The following SESTD1 variants were observed in gnomAD, a reference collection of about 807,000 sequenced individuals.
The protein encoded by SESTD1 is SEC14 and spectrin domain containing 1, also known as SEC14 domain and spectrin repeat-containing protein 1.
Under a neutral mutation model 101.7 loss-of-function variants are expected in SESTD1, and 43 were observed. The ratio of observed to expected loss-of-function variants is 0.42; its 90% CI spans 0.33 to 0.55. The LOEUF is 0.55. SESTD1 is among the 20% of genes least tolerant of loss of function. The probability of loss-of-function intolerance (pLI) is 0.07; values close to 1 mark genes in which losing one functional copy is unlikely to be tolerated. For synonymous variants in SESTD1, 283 were observed against 286.8 expected, an observed-to-expected ratio of 0.99 and a Z score of 0.13; for missense variants, 647 against 815.1, an observed-to-expected ratio of 0.79 and a Z score of 2.51.
intron 5 of SESTD1, among the ~76,000 whole-genome samples, chr2:179,153,672 CA>C (rs1202748665): frequency 6.6e-6 from 1 of 151,560 alleles, no homozygotes; most frequent in Non-Finnish European, 1.5e-5. Flanking sequence ...TAGCATTAGT[CA>C]AAAAAATAAT....
intron 1 of SESTD1, among the ~76,000 whole-genome samples, chr2:179,197,315 G>A (rs1265476849): frequency 1.3e-5 from 2 of 151,934 alleles, no homozygotes; most frequent in African/African-American, 4.8e-5. Flanking sequence ...TACGTGAAAA[G>A]ACCAAATCTA....
chr2:179,157,594 T>TA (rs1428996388), intron 5 of SESTD1, among the ~76,000 whole-genome samples: 2 of 152,180 alleles, frequency 1.3e-5, no homozygotes, highest in Non-Finnish European at 2.9e-5. Context: ...CTGGGTTCTC[T>TA]ATTCTGTTCC....
In SESTD1 at chr2:179,176,438, C is replaced by T. The variant is rs750905187; in HGVS notation, c.255+10G>A. 6.2e-7 allele frequency: 1 copy of T among 1,610,002 alleles called. No homozygotes were observed. The highest frequency in any genetic ancestry group is 1.1e-5 in the South Asian group (1 of 90,398). On this transcript the variant is annotated intron_variant, in intron 4 of 17. Transcript: ENST00000428443. ...AAAAACCATTTCCTGATAGACAAAACCAAAATTACCTGTAGCATTACGACT... is the reference window on the plus strand; with the variant it reads ...AAAAACCATTTCCTGATAGACAAAATCAAAATTACCTGTAGCATTACGACT...
At chr2:179,249,545 T>G (rs2047283961) in intron 1 of SESTD1, among the ~76,000 whole-genome samples, 2 of 152,166 alleles carry the variant, frequency 1.3e-5, no homozygotes, top group African/African-American at 4.8e-5. Context: ...CATAACATGT[T>G]CATGGATTTG....
chr2:179,190,475 C>A (rs1424137782), intron 2 of SESTD1, among the ~76,000 whole-genome samples: 1 of 151,782 alleles, frequency 6.6e-6, no homozygotes, highest in Non-Finnish European at 1.5e-5. Context: ...TGAGTATCGG[C>A]CTCAGAAAAA....
intron 9 of SESTD1, among the ~76,000 whole-genome samples, chr2:179,137,044 T>C (rs1477441449): frequency 6.6e-6 from 1 of 152,154 alleles, no homozygotes; most frequent in African/African-American, 2.4e-5. Flanking sequence ...TTTAAATGCA[T>C]TAATAATGGC....
chr2:179,217,293 A>T (rs1025695270), intron 1 of SESTD1, among the ~76,000 whole-genome samples: 9 of 152,206 alleles, frequency 5.9e-5, no homozygotes, highest in Non-Finnish European at 8.8e-5. Context: ...ACAAGAAAAA[A>T]ACAACCCCAT....
rs1404422743 is a variant in SESTD1 at position 179,185,710 on chromosome 2, TATATAATATAGCATATTATATATA to T, written c.56-2546_56-2523del. ...ATATAATATAGTATATTATATACAA[TATATAATATAGCATATTATATATA>T]ATATAATATAGTATATTATATACAA... On this transcript the variant is annotated intron_variant, in intron 2 of 17. Coordinates refer to ENST00000428443, the MANE Select transcript of SESTD1 (RefSeq NM_178123.5). Among the ~76,000 whole-genome samples the T allele has an allele frequency of 8.9e-4, 108 of 121,092 alleles. 1 individual carries two copies. Among genetic ancestry groups the T allele is most frequent in the South Asian group, 1.2e-3 (5 of 4,130 alleles). The allele number at this position is 121,092 out of a possible 152,430, so 79.4% of individuals were successfully genotyped here.
chr2:179,201,234 C>T lies in SESTD1; in HGVS notation c.-25-9368G>A, dbSNP rs1432349798. On this transcript the variant is annotated intron_variant, in intron 1 of 17. Transcript: ENST00000428443. ...AAAACCACAATGAGATACCATCTCA[C>T]ACCAGTCAGAATGGCAATCATTAAA... 4.5e-5 allele frequency among the ~76,000 whole-genome samples: 6 copies of T among 133,464 alleles called. 2 individuals carry two copies. The highest frequency in any genetic ancestry group is 7.2e-5 in the Admixed American group (1 of 13,808). 87.6% of individuals were successfully genotyped at this position (133,464 alleles called of 152,430 possible). A position where few individuals can be genotyped will look rare whatever the true frequency, so the allele number is the denominator to read the frequency against.
intron 5 of SESTD1, chr2:179,162,472 T>A (rs2045754417): frequency 6.6e-6 from 1 of 152,174 alleles, no homozygotes; most frequent in Admixed American, 6.5e-5. Flanking sequence ...CAATGCAGTA[T>A]GTCACTGATA....
intron 1 of SESTD1, among the ~76,000 whole-genome samples, chr2:179,231,464 C>T (rs1390299158): frequency 2.7e-5 from 4 of 150,790 alleles, no homozygotes; most frequent in Non-Finnish European, 5.9e-5. Context: ...TTAAAAAAGG[C>T]ATAAACATAC....
intron 12 of SESTD1, among the ~76,000 whole-genome samples, chr2:179,123,025 T>G (rs1244480565): frequency 2.0e-5 from 3 of 152,238 alleles, no homozygotes; most frequent in African/African-American, 7.2e-5. Context: ...ACTAGTTCTC[T>G]GCCTTAAGTT....
intron 9 of SESTD1, among the ~76,000 whole-genome samples, chr2:179,134,940 G>T (rs1277369287): frequency 1.3e-5 from 2 of 151,938 alleles, no homozygotes; most frequent in Admixed American, 6.6e-5. Flanking sequence ...TGGTTTTTTT[G>T]TTGTTGTTTT....
chr2:179,224,542 T>C (rs1392781763), intron 1 of SESTD1, among the ~76,000 whole-genome samples: 4 of 152,318 alleles, frequency 2.6e-5, no homozygotes, highest in East Asian at 3.9e-4. Context: ...AAATGACTGA[T>C]TGCTGAAGGC....
chr2:179,117,700 A>T, intron 13 of SESTD1, 87 bp from the exon 14 acceptor site: 2 of 1,060,128 alleles, frequency 1.9e-6, no homozygotes, highest in Non-Finnish European at 2.7e-6. Flanking sequence ...TGTATTTTAT[A>T]GTACACTAAA....
At chr2:179,241,710 C>G (rs1306244776) in intron 1 of SESTD1, among the ~76,000 whole-genome samples, 1 of 151,992 alleles carries the variant, frequency 6.6e-6, no homozygotes, top group Non-Finnish European at 1.5e-5. Context: ...ATCACGAGGT[C>G]AGGAGATCGA....
intron 7 of SESTD1, among the ~76,000 whole-genome samples, chr2:179,147,304 T>C (rs2045416395): frequency 6.6e-6 from 1 of 151,872 alleles, no homozygotes. Flanking sequence ...CATGTAGTCA[T>C]GGAAACCAGG....
intron 1 of SESTD1, among the ~76,000 whole-genome samples, chr2:179,247,047 A>G (rs2047242753): frequency 6.6e-6 from 1 of 152,108 alleles, no homozygotes; most frequent in African/African-American, 2.4e-5. Flanking sequence ...ACTTGGGCAC[A>G]TATTCTTTTA....
At chr2:179,205,666 T>C (rs147866521) in intron 1 of SESTD1, among the ~76,000 whole-genome samples, 2,942 of 135,366 alleles carry the variant, frequency 0.022, 596 homozygotes, top group Non-Finnish European at 0.033. Context: ...CTTTTAAAAA[T>C]TGTTTTAAGA....
Sources: gnomAD v4.1 joint callset for allele counts (sites outside exome capture counted in the v4.1 genomes callset) on GRCh38, gnomAD v4.1.1 for gene constraint, MANE v1.5 for transcripts, NCBI Gene and HGNC (gene_info 2026-07-23, HGNC 2026-07-21) for gene names.